The following ITPKB variants were observed in gnomAD, a reference collection of about 807,000 sequenced individuals.
ITPKB encodes the protein IP3 3-kinase B.
Under a neutral mutation model 69.4 loss-of-function variants are expected in ITPKB, and 13 were observed. The ratio of observed to expected loss-of-function variants is 0.19; its 90% confidence interval spans 0.12 to 0.30. The LOEUF (loss-of-function observed/expected upper bound fraction) is 0.30, where lower values mean the gene tolerates loss of function less well. Ranked by LOEUF, ITPKB falls within the 10% of genes least tolerant of loss-of-function variation. The pLI is 1.00. For synonymous variants in ITPKB, 584 were observed against 513.7 expected, an observed-to-expected ratio of 1.14 and a Z score of -1.85; for missense variants, 1,240 against 1,250.5, an observed-to-expected ratio of 0.99 and a Z score of 0.13.
chr1:226,725,000 C>T (rs1157180876), intron 2 of ITPKB, among the ~76,000 whole-genome samples: 2 of 152,222 alleles, frequency 1.3e-5, no homozygotes. Flanking sequence ...GACCTTTACC[C>T]CAGACTCCTT....
rs372126314 is a variant in ITPKB at position 226,730,511 on chromosome 1, C to A, written c.1932+5016G>T. ...AGGCCTTGTCATGGAGTTGAGAGTA[C>A]CATATGCATAAACCTACCATCCCAA... On this transcript the variant is annotated intron_variant, in intron 2 of 7. Transcript: ENST00000429204. 1.5e-4 allele frequency among the ~76,000 whole-genome samples: 23 copies of A among 152,174 alleles called. 1 individual carries two copies. The South Asian group carries it at 4.8e-3, about 32-fold the overall frequency.
chr1:226,686,021 G>A (rs1455293770), intron 2 of ITPKB, among the ~76,000 whole-genome samples: 4 of 152,196 alleles, frequency 2.6e-5, no homozygotes, highest in Non-Finnish European at 5.9e-5. Flanking sequence ...AGACATTATT[G>A]CAGAAAGCAA....
At chr1:226,730,977 G>A (rs1438352799) in intron 2 of ITPKB, among the ~76,000 whole-genome samples, 3 of 152,296 alleles carry the variant, frequency 2.0e-5, no homozygotes, top group Middle Eastern at 3.4e-3. Context: ...ACCTAAAAGC[G>A]GGTGAGTCTT....
chr1:226,735,441 GA>G (rs1360714492), intron 2 of ITPKB, 85 bp downstream of exon 2: 4 of 1,375,504 alleles, frequency 2.9e-6, no homozygotes, highest in Non-Finnish European at 3.8e-6. Flanking sequence ...TGACTGTGTA[GA>G]AAGTTAAGAA....
chr1:226,718,079 A>G (rs1174401797), intron 2 of ITPKB, among the ~76,000 whole-genome samples: 1 of 151,390 alleles, frequency 6.6e-6, no homozygotes. Context: ...GCGGATCACA[A>G]GGTCAGAAAT....
intron 2 of ITPKB, among the ~76,000 whole-genome samples, chr1:226,706,179 A>G (rs919941873): frequency 1.4e-4 from 21 of 152,274 alleles, no homozygotes; most frequent in African/African-American, 4.8e-4. Flanking sequence ...AATCAAAGGC[A>G]GTACGAAATT....
Position 226,715,112 on chromosome 1 carries a change from A to G in ITPKB, c.1932+20415T>C, listed in dbSNP as rs537217265. On this transcript the variant is annotated intron_variant, in intron 2 of 7. Transcript: ENST00000429204. ...GACATGTCACTTAACTTCTCCTTCA[A>G]TGACTACCACATAATAAAAGCATAA... is the stretch of plus-strand genomic sequence containing the variant. Among the ~76,000 whole-genome samples, 7 of 152,378 alleles carry G rather than the reference A, an allele frequency of 4.6e-5. No individual in the cohort carries two copies. The South Asian group carries it at 1.4e-3, about 32-fold the overall frequency.
At chr1:226,683,685 T>C (rs1656137485) in intron 2 of ITPKB, among the ~76,000 whole-genome samples, 1 of 152,134 alleles carries the variant, frequency 6.6e-6, no homozygotes, top group South Asian at 2.1e-4. Context: ...CCCGACTTGA[T>C]GCTCCATTCT....
intron 3 of ITPKB, among the ~76,000 whole-genome samples, chr1:226,647,642 C>CA (rs572667745): frequency 4.3e-4 from 65 of 152,358 alleles, no homozygotes; most frequent in African/African-American, 1.5e-3. Flanking sequence ...TGGAAGGGTA[C>CA]AGAGCTAGGT....
intron 7 of ITPKB, among the ~76,000 whole-genome samples, chr1:226,635,115 G>A (rs1335038876): frequency 2.0e-5 from 3 of 152,188 alleles, no homozygotes; most frequent in African/African-American, 7.2e-5. Context: ...TGTGTGGGCA[G>A]CAGCAGGCAC....
intron 2 of ITPKB, among the ~76,000 whole-genome samples, chr1:226,654,749 C>T (rs1031935680): frequency 8.5e-5 from 13 of 152,226 alleles, no homozygotes; most frequent in African/African-American, 3.1e-4. Context: ...TGACGCCATC[C>T]TCCCCGGGTC....
At chr1:226,683,582 G>T (rs1158378235) in intron 2 of ITPKB, among the ~76,000 whole-genome samples, 1 of 152,094 alleles carries the variant, frequency 6.6e-6, no homozygotes, top group Non-Finnish European at 1.5e-5. Flanking sequence ...TGCTTGCTGT[G>T]TAGTATAAGA....
At chr1:226,703,419 G>A (rs989809739) in intron 2 of ITPKB, among the ~76,000 whole-genome samples, 17 of 152,352 alleles carry the variant, frequency 1.1e-4, no homozygotes, top group South Asian at 2.1e-4. Flanking sequence ...CGCGGCGGGG[G>A]ATTTCGGGCA....
intron 2 of ITPKB, among the ~76,000 whole-genome samples, chr1:226,680,563 AAAAGG>A (rs1656061516): frequency 6.6e-6 from 1 of 152,194 alleles, no homozygotes; most frequent in Non-Finnish European, 1.5e-5. Context: ...ATTCTTATGA[AAAAGG>A]AAAGCAAATA....
intron 2 of ITPKB, among the ~76,000 whole-genome samples, chr1:226,655,632 G>A (rs969322920): frequency 2.6e-5 from 4 of 152,208 alleles, no homozygotes; most frequent in African/African-American, 9.7e-5. Flanking sequence ...TGCTGTCTGA[G>A]CCAGTCAGTG....
At chr1:226,653,327 C>G (rs1402197149) in intron 2 of ITPKB, among the ~76,000 whole-genome samples, 1 of 152,166 alleles carries the variant, frequency 6.6e-6, no homozygotes, top group Non-Finnish European at 1.5e-5. Flanking sequence ...AGTCTCGAGA[C>G]AGCAGGATGA....
Position 226,637,733 on chromosome 1 carries a change from C to T in ITPKB, c.2571G>A (p.Arg857=). The change falls in exon 7 of 8, where the codon CGG becomes CGA. Residue 857 remains arginine, a synonymous_variant. Coordinates refer to ENST00000429204, the MANE Select transcript of ITPKB (RefSeq NM_002221.4). This position sits in a 1 kb window ranked among gnomAD's most constrained non-coding sequence, Gnocchi z 4.3. The part of the protein sequence containing the change: ...NHNILIAYRD[R]LKAIRTTLEV... The stretch of plus-strand genomic sequence containing the variant: ...CTAGAGTGGTTCGAATGGCCTTCAG[C>T]CGGTCCCGATAGGCGATCTGGGAAT... The T allele has an allele frequency of 6.2e-7, 1 of 1,613,782 alleles. No individual in the cohort carries two copies. Among genetic ancestry groups the T allele is most frequent in the Non-Finnish European group, 8.5e-7 (1 of 1,179,754 alleles).
intron 2 of ITPKB, among the ~76,000 whole-genome samples, chr1:226,717,407 T>A (rs1231303631): frequency 6.6e-6 from 1 of 152,120 alleles, no homozygotes; most frequent in Non-Finnish European, 1.5e-5. Context: ...TCTGGGACCT[T>A]CAGCATGACT....
rs140825420 is a variant in ITPKB, at chr1:226,737,102, G to C, written c.357C>G (p.Leu119=). ...TGGCCTCCTCCGGCCCTGGCGGGGA[G>C]AGGGTACCGGCTGCCACCACCTGCT... ...DRQQVVAAGT[L]SPPGPEEAKR... Residue 119 remains leucine (L), a synonymous_variant, in exon 2 of 8, where the codon CTC becomes CTG. Coordinates refer to ENST00000429204, the MANE Select transcript of ITPKB (RefSeq NM_002221.4). 3.9e-5 allele frequency: 63 copies of C among 1,606,878 alleles called. No individual in the cohort carries two copies. The African/African-American group carries it at 8.4e-4, about 21-fold the overall frequency.
Sources: allele counts gnomAD v4.1 joint callset (sites outside exome capture counted in the v4.1 genomes callset), GRCh38; gene constraint gnomAD v4.1.1; non-coding constraint Gnocchi (gnomAD v3.1); transcripts MANE v1.5; gene names NCBI Gene and HGNC (gene_info 2026-07-23, HGNC 2026-07-21).